NEDD4L: variants seen among roughly 807,000 people sequenced by gnomAD.
The protein encoded by NEDD4L is E3 ubiquitin-protein ligase NEDD4-like.
A neutral mutation model predicts 148.9 loss-of-function variants in NEDD4L; 54 were observed. That is an observed-to-expected ratio of 0.36 (90% CI 0.29 to 0.45). The LOEUF (loss-of-function observed/expected upper bound fraction) is 0.45. Among genes scored for constraint, NEDD4L ranks in the 20% least tolerant of loss-of-function variants. The pLI, the probability that NEDD4L is intolerant of heterozygous loss-of-function variation, is 1.00. For missense variants in NEDD4L, 856 were observed against 1,233.8 expected, an observed-to-expected ratio of 0.69 and a Z score of 4.59; for synonymous variants, 433 against 440.7, an observed-to-expected ratio of 0.98 and a Z score of 0.22.
chr18:58,255,534 C>T lies in NEDD4L; in HGVS notation c.297+3480C>T, dbSNP rs2048410868. The T allele has an allele frequency of 2.4e-6, 3 of 1,231,336 alleles. No individual in the cohort carries two copies. In the East Asian group the frequency reaches 9.5e-5, roughly 39 times the overall value. 76.3% of individuals were successfully genotyped at this position (1,231,336 alleles called of 1,614,324 possible). A position where few individuals can be genotyped will look rare whatever the true frequency, so the allele number is the denominator to read the frequency against. ...CGGTGCCGCAGTGCTAACAGTTTGG[C>T]AGATGGGACACTTTTTCTTGGAATT... On this transcript the variant is annotated intron_variant, in intron 5 of 30. Coordinates refer to ENST00000400345, the MANE Select transcript of NEDD4L (RefSeq NM_001144967.3).
chr18:58,281,322 T>TTA (rs1491043975), intron 5 of NEDD4L, among the ~76,000 whole-genome samples: 16 of 151,060 alleles, frequency 1.1e-4, no homozygotes, highest in African/African-American at 3.7e-4. Flanking sequence ...TTTTTTTTTT[T>TTA]AAACTGGAAA....
chr18:58,210,005 A>G (rs1049132604), intron 2 of NEDD4L, among the ~76,000 whole-genome samples: 1 of 152,076 alleles, frequency 6.6e-6, no homozygotes, highest in Non-Finnish European at 1.5e-5. Context: ...ATCCATACTA[A>G]AAAAATACAA....
At chr18:58,299,252 A>G (rs1171852588) in intron 5 of NEDD4L, among the ~76,000 whole-genome samples, 1 of 152,254 alleles carries the variant, frequency 6.6e-6, no homozygotes, top group Non-Finnish European at 1.5e-5. Flanking sequence ...AGAAGGTGCC[A>G]CATCAGTGCC....
intron 5 of NEDD4L, among the ~76,000 whole-genome samples, chr18:58,259,183 A>G (rs1057478306): frequency 9.2e-5 from 14 of 152,324 alleles, no homozygotes; most frequent in African/African-American, 3.1e-4. Context: ...ACATCCTGCC[A>G]TGACTAAATC....
In NEDD4L at chr18:58,256,275, A is replaced by T; in HGVS notation, c.297+4221A>T. Reference sequence around the variant, plus strand: ...GTGAGGCTGCTGCCCCTGGGCCCCGATGGCCAGGGCGGCCCGGCCGCGGCA... The same window carrying T: ...GTGAGGCTGCTGCCCCTGGGCCCCGTTGGCCAGGGCGGCCCGGCCGCGGCA... On this transcript the variant is annotated intron_variant, in intron 5 of 30. Transcript: ENST00000400345. The surrounding 1 kb of genome is among the most constrained non-coding windows in gnomAD (Gnocchi z 5.2). 2 of 1,231,278 alleles carry T rather than the reference A, an allele frequency of 1.6e-6. No homozygotes were observed. Among genetic ancestry groups the T allele is most frequent in the Non-Finnish European group, 2.0e-6 (2 of 987,658 alleles). The allele number at this position is 1,231,278 out of a possible 1,614,324, so 76.3% of individuals were successfully genotyped here.
chr18:58,322,437 A>G lies in NEDD4L; in HGVS notation c.361A>G (p.Thr121Ala). 1.1e-5 allele frequency: 16 copies of G among 1,474,832 alleles called. No individual in the cohort carries two copies. The highest frequency in any genetic ancestry group is 1.4e-5 in the Non-Finnish European group (15 of 1,091,810). 91.4% of individuals were successfully genotyped at this position (1,474,832 alleles called of 1,614,324 possible). A position where few individuals can be genotyped will look rare whatever the true frequency, so the allele number is the denominator to read the frequency against. Residue 121 changes from threonine to alanine, a missense_variant, in exon 7 of 31, where the codon ACC (threonine) becomes GCC (alanine). Thr to Ala is a moderately conservative substitution (Grantham distance 58). This residue lies in a region of NEDD4L where 193 missense variants were observed against 244.2 expected (regional missense o/e 0.79). Coordinates refer to ENST00000400345, the MANE Select transcript of NEDD4L (RefSeq NM_001144967.3). ...TTTTTCCCCACAGACAGAAGATCCA[A>G]CCATGGAGCGACCCTATACATTTAA... ...PLSHLPTEDPTMERPYTFKDF... is the reference protein window; with the variant it reads ...PLSHLPTEDPAMERPYTFKDF...
intron 1 of NEDD4L, among the ~76,000 whole-genome samples, chr18:58,092,180 C>T (rs2084111203): frequency 6.6e-6 from 1 of 152,248 alleles, no homozygotes; most frequent in Non-Finnish European, 1.5e-5. Context: ...AGCATCCTCC[C>T]TTCGGGGGAG....
Position 58,208,550 on chromosome 18 carries a change from T to A in NEDD4L, c.123-36877T>A, listed in dbSNP as rs34336961. Among the ~76,000 whole-genome samples the A allele has an allele frequency of 1.9e-4, 28 of 151,344 alleles. 1 individual carries two copies. Among genetic ancestry groups the A allele is most frequent in the Admixed American group, 1.8e-3 (27 of 15,218 alleles). On this transcript the variant is annotated intron_variant, in intron 2 of 30. Transcript: ENST00000400345. Reference sequence around the variant, plus strand: ...AGGTTGAGACCTTTTAAGTCATCCTTAATTCCCTGTAGGGAGGATTAAGAA... The same window carrying A: ...AGGTTGAGACCTTTTAAGTCATCCTAAATTCCCTGTAGGGAGGATTAAGAA...
chr18:58,257,582 GTACCC>G (rs2048773772), intron 5 of NEDD4L, among the ~76,000 whole-genome samples: 1 of 152,138 alleles, frequency 6.6e-6, no homozygotes, highest in Non-Finnish European at 1.5e-5. Context: ...AGAATAGTAA[GTACCC>G]TGTCTCCAGC....
chr18:58,309,455 G>C (rs977769714), intron 5 of NEDD4L, among the ~76,000 whole-genome samples: 5 of 152,134 alleles, frequency 3.3e-5, no homozygotes, highest in African/African-American at 1.2e-4. Flanking sequence ...CCTGTCCAGA[G>C]CTCCAAAGCC....
At chr18:58,224,969 A>G (rs1476046064) in intron 2 of NEDD4L, among the ~76,000 whole-genome samples, 1 of 152,234 alleles carries the variant, frequency 6.6e-6, no homozygotes, top group African/African-American at 2.4e-5. Context: ...TTGGTTTAAA[A>G]AAATTTATTT....
chr18:58,356,010 T>C (rs2044584286), intron 18 of NEDD4L, among the ~76,000 whole-genome samples: 1 of 152,120 alleles, frequency 6.6e-6, no homozygotes, highest in Non-Finnish European at 1.5e-5. Context: ...GGCTGGAGCA[T>C]AGTGGCACAG....
At chr18:58,180,673 G>C (rs1487698676) in intron 2 of NEDD4L, among the ~76,000 whole-genome samples, 1 of 152,072 alleles carries the variant, frequency 6.6e-6, no homozygotes, top group Non-Finnish European at 1.5e-5. Flanking sequence ...TTATTCTGTA[G>C]GTTTAGGACA....
At chr18:58,084,099 G>A (rs2083618113) in intron 1 of NEDD4L, among the ~76,000 whole-genome samples, 1 of 152,152 alleles carries the variant, frequency 6.6e-6, no homozygotes, top group African/African-American at 2.4e-5. Context: ...GCATAAACCT[G>A]GAAAACATTA....
At chr18:58,140,313 A>G (rs751126791) in intron 1 of NEDD4L, among the ~76,000 whole-genome samples, 5 of 152,220 alleles carry the variant, frequency 3.3e-5, no homozygotes, top group Non-Finnish European at 7.3e-5. Context: ...ATACTTCCTA[A>G]GCTTTATAGA....
In NEDD4L at chr18:58,100,736, A is replaced by C. The variant is rs534420789; in HGVS notation, c.48+56028A>C. The stretch of plus-strand genomic sequence containing the variant: ...ACGTACTTAGCTGATGTAGGCATTA[A>C]TGGAAATGGATATTGGAGTGGGAGG... On this transcript the variant is annotated intron_variant, in intron 1 of 30. Transcript: ENST00000400345. Among the ~76,000 whole-genome samples the C allele has an allele frequency of 3.4e-4, 52 of 152,348 alleles. No individual in the cohort carries two copies. In the South Asian group the frequency reaches 0.011, roughly 31 times the overall value.
intron 5 of NEDD4L, among the ~76,000 whole-genome samples, chr18:58,310,379 A>T (rs113335153): frequency 2.6e-5 from 4 of 152,360 alleles, no homozygotes; most frequent in African/African-American, 9.6e-5. Context: ...GTGTGTGTTT[A>T]CCAAAAAGTA....
At chr18:58,066,996 A>C (rs1272048223) in intron 1 of NEDD4L, among the ~76,000 whole-genome samples, 1 of 152,134 alleles carries the variant, frequency 6.6e-6, no homozygotes, top group Non-Finnish European at 1.5e-5. Flanking sequence ...ACCCTCATAC[A>C]CATGTATTGT....
At chr18:58,075,740 A>G (rs112145882) in intron 1 of NEDD4L, among the ~76,000 whole-genome samples, 8 of 152,146 alleles carry the variant, frequency 5.3e-5, no homozygotes, top group African/African-American at 1.9e-4. Flanking sequence ...AGCCTGGGCT[A>G]ACATAGCAAG....
Sources: gnomAD v4.1 joint callset for allele counts (sites outside exome capture counted in the v4.1 genomes callset) on GRCh38, gnomAD v4.1.1 for gene constraint, gnomAD v4.1.1 regional missense constraint, Gnocchi (gnomAD v3.1) non-coding constraint, MANE v1.5 for transcripts, NCBI Gene and HGNC (gene_info 2026-07-23, HGNC 2026-07-21) for gene names.